WFS1: variants seen among roughly 807,000 people sequenced by gnomAD.
WFS1 encodes the protein wolframin ER transmembrane glycoprotein, also known as wolframin.
In WFS1, 90 loss-of-function variants were observed where a neutral mutation model predicts 68.5. The ratio of observed to expected loss-of-function variants is 1.31; its 90% CI spans 1.11 to 1.56. WFS1 has a LOEUF of 1.56. Among genes scored for constraint, WFS1 ranks in the 40% most tolerant of loss-of-function variants. WFS1 has a pLI of 0.00. For synonymous variants in WFS1, 860 were observed against 540.7 expected (o/e 1.59, Z -8.19); for missense variants, 1,767 against 1,232.6 (o/e 1.43, Z -6.49).
chr4:6,300,702 C>A lies in WFS1; in HGVS notation c.907C>A (p.Leu303Met), dbSNP rs752256328. The change falls in exon 8 of 8, where the codon CTG (leucine) becomes ATG (methionine). Residue 303 changes from leucine to methionine, a missense_variant. Transcript: ENST00000226760. Reference sequence around the variant, plus strand: ...CGCCATCATGGAGATCAAGGAGTACCTGATTGACATGGCCTCCAGGGCAGG... The same window carrying A: ...CGCCATCATGGAGATCAAGGAGTACATGATTGACATGGCCTCCAGGGCAGG... ...LHAIMEIKEY[L>M]IDMASRAGMH... 23 of 1,613,980 alleles carry A rather than the reference C, an allele frequency of 1.4e-5. No homozygotes were observed. Among genetic ancestry groups the A allele is most frequent in the Non-Finnish European group, 1.8e-5 (21 of 1,179,998 alleles).
In WFS1 at chr4:6,301,984, G is replaced by C. The variant is rs760171298; in HGVS notation, c.2189G>C (p.Trp730Ser). 1.2e-6 allele frequency: 2 copies of C among 1,612,730 alleles called. No individual in the cohort carries two copies. Among genetic ancestry groups the C allele is most frequent in the Non-Finnish European group, 1.7e-6 (2 of 1,179,932 alleles). ...ATGCTCCCGTTCTTCATCGGCGACT[G>C]GATGCGCTGCCTCTACGGCGAGGCC... ...INMLPFFIGD[W>S]MRCLYGEAYP... The change falls in exon 8 of 8, where the codon TGG becomes TCG. Residue 730 changes from tryptophan to serine, a missense_variant. Trp to Ser is a radical substitution (Grantham distance 177). Coordinates refer to ENST00000226760, the MANE Select transcript of WFS1 (RefSeq NM_006005.3).
At position 6,277,702 on chromosome 4, in the gene WFS1, T is replaced by C; in HGVS notation, c.232+15T>C. The C allele has an allele frequency of 6.4e-7, 1 of 1,552,128 alleles. No individual in the cohort carries two copies. The highest frequency in any genetic ancestry group is 1.4e-5 in the African/African-American group (1 of 73,324). ...AGACGGCACCGGTAAGGGAGCAGGC[T>C]GGGAAGCCCAGGCTGGGGATGTTCA... On this transcript the variant is annotated intron_variant, in intron 2 of 7. Coordinates refer to ENST00000226760, the MANE Select transcript of WFS1 (RefSeq NM_006005.3).
In WFS1 at chr4:6,302,146, G is replaced by A. The variant is rs1328216776; in HGVS notation, c.2351G>A (p.Ser784Asn). The A allele has an allele frequency of 1.2e-6, 2 of 1,612,846 alleles. No individual in the cohort carries two copies. The highest frequency in any genetic ancestry group is 1.7e-6 in the Non-Finnish European group (2 of 1,179,986). The change falls in exon 8 of 8, where the codon AGC becomes AAC. Residue 784 changes from serine (S) to asparagine (N), a missense_variant. By Grantham distance (46) the Ser-to-Asn change is conservative (BLOSUM62 1). Transcript: ENST00000226760. ...GAGATTACCGTGGGCATGCCATTCA[G>A]CAGCGGCGCTGACGGCTCGCGCAGC... ...KFEITVGMPF[S>N]SGADGSRSRE...
Position 6,301,546 on chromosome 4 carries a change from A to T in WFS1, c.1751A>T (p.Gln584Leu). Residue 584 changes from glutamine to leucine, a missense_variant, in exon 8 of 8, where the codon CAG becomes CTG. Transcript: ENST00000226760. ...GGCCTGGCCCTGGTGGGCGTGCTGC[A>T]GTTCGCCCGGTGGTTCACGTCTCTG... ...VAGLALVGVL[Q>L]FARWFTSLEL... The T allele has an allele frequency of 6.2e-7, 1 of 1,614,022 alleles. No homozygotes were observed. Among genetic ancestry groups the T allele is most frequent in the Non-Finnish European group, 8.5e-7 (1 of 1,180,030 alleles).
chr4:6,294,933 C>T, intron 6 of WFS1, 108 bp from the exon 7 acceptor site: 1 of 1,584,378 alleles, frequency 6.3e-7, no homozygotes. Context: ...CCACTCAGCT[C>T]CTTTCTTAGC....
rs947945563 is a variant in WFS1, at chr4:6,302,698, C to G, written c.*230C>G. The G allele has an allele frequency of 1.5e-6, 1 of 646,564 alleles. No individual in the cohort carries two copies. The highest frequency in any genetic ancestry group is 2.8e-5 in the East Asian group (1 of 35,740). The allele number at this position is 646,564 out of a possible 1,614,324, so 40.1% of individuals were successfully genotyped here. ...TGTGTTGGGAATTGCATGCCATCTC[C>G]ACCCTGAGCCTGACCTTTCTGAGTG... is the stretch of plus-strand genomic sequence containing the variant. On this transcript the variant is annotated 3_prime_UTR_variant, in exon 8 of 8. Coordinates refer to ENST00000226760, the MANE Select transcript of WFS1 (RefSeq NM_006005.3).
intron 7 of WFS1, among the ~76,000 whole-genome samples, chr4:6,296,785 T>G (rs191458984): frequency 6.6e-6 from 1 of 152,258 alleles, no homozygotes; most frequent in African/African-American, 2.4e-5. Flanking sequence ...CACCTAGTTA[T>G]GGATGGTGAG....
chr4:6,301,706 G>T lies in WFS1; in HGVS notation c.1911G>T (p.Leu637=), dbSNP rs1730927869. Residue 637 remains leucine, a synonymous_variant, in exon 8 of 8, where the codon CTG becomes CTT. Coordinates refer to ENST00000226760, the MANE Select transcript of WFS1 (RefSeq NM_006005.3). The part of the protein sequence containing the change: ...LTRSSMVKLI[L]VWLTAIVLFC... ...GGAGCTCCATGGTCAAGCTCATCCT[G>T]GTGTGGCTCACGGCCATCGTGCTGT... is the stretch of plus-strand genomic sequence containing the variant. The T allele has an allele frequency of 2.5e-6, 4 of 1,614,100 alleles. No homozygotes were observed. Among genetic ancestry groups the T allele is most frequent in the African/African-American group, 1.3e-5 (1 of 75,068 alleles).
chr4:6,292,043 ACC>A lies in WFS1; in HGVS notation c.712+47_712+48del. On this transcript the variant is annotated intron_variant, in intron 6 of 7. Coordinates refer to ENST00000226760, the MANE Select transcript of WFS1 (RefSeq NM_006005.3). ...GTCTCACCCATGCCTCCCAGCCTGC[ACC>A]TGCAGGGCGACCTCTCCTTCCTGTG... 6 of 1,541,462 alleles carry A rather than the reference ACC, an allele frequency of 3.9e-6. No homozygotes were observed. The East Asian group carries it at 1.2e-4, about 31-fold the overall frequency.
intron 2 of WFS1, among the ~76,000 whole-genome samples, chr4:6,286,358 C>T (rs1200811392): frequency 6.6e-6 from 1 of 152,154 alleles, no homozygotes; most frequent in Non-Finnish European, 1.5e-5. Flanking sequence ...GCTCCCTTGC[C>T]CCTTCCACCC....
chr4:6,271,968 C>T (rs1729856447), intron 1 of WFS1, among the ~76,000 whole-genome samples: 1 of 152,204 alleles, frequency 6.6e-6, no homozygotes, highest in East Asian at 1.9e-4. Flanking sequence ...AAGCCTGGCT[C>T]ACTGTCCCTC....
At chr4:6,288,015 G>T (rs533864155) in intron 3 of WFS1, among the ~76,000 whole-genome samples, 1 of 152,118 alleles carries the variant, frequency 6.6e-6, no homozygotes, top group Non-Finnish European at 1.5e-5. Flanking sequence ...TCAGGAGTTC[G>T]TGACCAGCCT....
chr4:6,302,021 C>T lies in WFS1; in HGVS notation c.2226C>T (p.Cys742=). Residue 742 remains cysteine (C), a synonymous_variant, in exon 8 of 8, where the codon TGC becomes TGT. Transcript: ENST00000226760. ...TCTACGGCGAGGCCTACCCTGCCTG[C>T]AGCCCTGGCAACACCTCCACGGCCG... ...RCLYGEAYPA[C]SPGNTSTAEE... The T allele has an allele frequency of 3.7e-6, 6 of 1,612,726 alleles. 1 individual carries two copies. The Middle Eastern group carries it at 8.2e-4, about 222-fold the overall frequency.
intron 2 of WFS1, among the ~76,000 whole-genome samples, chr4:6,278,842 A>G (rs1054736848): frequency 6.6e-6 from 1 of 152,160 alleles, no homozygotes; most frequent in Non-Finnish European, 1.5e-5. Context: ...TGACCCCGGG[A>G]TTTGGGCCCA....
intron 1 of WFS1, among the ~76,000 whole-genome samples, chr4:6,276,748 G>A (rs1730006198): frequency 6.6e-6 from 1 of 152,220 alleles, no homozygotes; most frequent in Admixed American, 6.5e-5. Context: ...ACAGAGGTTT[G>A]TTCTCTGATG....
Position 6,301,483 on chromosome 4 carries a change from A to ACTTCCT in WFS1, c.1698_1703dup (p.Leu567_Phe568dup). 6.2e-7 allele frequency: 1 copy of ACTTCCT among 1,612,994 alleles called. No individual in the cohort carries two copies. The highest frequency in any genetic ancestry group is 8.5e-7 in the Non-Finnish European group (1 of 1,179,886). ...GGGCTGCTCCGCGCCTCCATCGGCT[A>ACTTCCT]CTTCCTCTTCCTCTTTGCCCTCCCC... On this transcript the variant is annotated inframe_insertion, in exon 8 of 8. Transcript: ENST00000226760.
chr4:6,297,917 G>A (rs930383644), intron 7 of WFS1, among the ~76,000 whole-genome samples: 5 of 152,206 alleles, frequency 3.3e-5, no homozygotes, highest in Middle Eastern at 3.4e-3. Context: ...AGTTCAGGTG[G>A]GGGACCAGCC....
rs763020615 is a variant in WFS1, at chr4:6,301,806, G to T, written c.2011G>T (p.Ala671Ser). 1.3e-5 allele frequency: 21 copies of T among 1,613,268 alleles called. No homozygotes were observed. Among genetic ancestry groups the T allele is most frequent in the Middle Eastern group, 1.6e-4 (1 of 6,062 alleles). The stretch of plus-strand genomic sequence containing the variant: ...CACACTGACCTGGCAGCAGTATGGT[G>T]CGCTGTGCGGGCCACGCGCCTGGAA... Reference protein sequence around the residue: ...NSTLTWQQYGALCGPRAWKET... With the variant: ...NSTLTWQQYGSLCGPRAWKET... The change falls in exon 8 of 8, where the codon GCG becomes TCG. Residue 671 changes from alanine to serine, a missense_variant. Ala to Ser is a moderately conservative substitution (Grantham distance 99, BLOSUM62 1). Coordinates refer to ENST00000226760, the MANE Select transcript of WFS1 (RefSeq NM_006005.3).
rs749882923 is a variant in WFS1 at position 6,301,535 on chromosome 4, G to A, written c.1740G>A (p.Val580=). ...TCCTGGTGGCCGGCCTGGCCCTGGT[G>A]GGCGTGCTGCAGTTCGCCCGGTGGT... The part of the protein sequence containing the change: ...LPILVAGLAL[V]GVLQFARWFT... Residue 580 remains valine (V), a synonymous_variant, in exon 8 of 8, where the codon GTG becomes GTA. Transcript: ENST00000226760. 23 of 1,614,018 alleles carry A rather than the reference G, an allele frequency of 1.4e-5. No individual in the cohort carries two copies. The Admixed American group carries it at 3.8e-4, about 27-fold the overall frequency.
Sources: gnomAD v4.1 joint callset for allele counts (sites outside exome capture counted in the v4.1 genomes callset) on GRCh38, gnomAD v4.1.1 for gene constraint, MANE v1.5 for transcripts, NCBI Gene and HGNC (gene_info 2026-07-23, HGNC 2026-07-21) for gene names.